DMRT1: variants seen among roughly 807,000 people sequenced by gnomAD.
DMRT1 encodes the protein doublesex- and mab-3-related transcription factor 1.
In DMRT1, 7 loss-of-function variants were observed where a neutral mutation model predicts 32.3. The ratio of observed to expected loss-of-function variants is 0.22; its 90% CI spans 0.12 to 0.41. The LOEUF (loss-of-function observed/expected upper bound fraction) is 0.41. Ranked by LOEUF, DMRT1 falls within the 10% of genes least tolerant of loss-of-function variation. DMRT1 has a pLI of 1.00. For missense variants in DMRT1, 625 were observed against 500.5 expected, an observed-to-expected ratio of 1.25 and a Z score of -2.37; for synonymous variants, 278 against 206.1, an observed-to-expected ratio of 1.35 and a Z score of -2.99.
chr9:934,983 A>G (rs916413705), intron 4 of DMRT1, among the ~76,000 whole-genome samples: 4 of 152,206 alleles, frequency 2.6e-5, no homozygotes, highest in South Asian at 2.1e-4. Flanking sequence ...TGTCTCAACT[A>G]TATCTTTCCT....
intron 3 of DMRT1, among the ~76,000 whole-genome samples, chr9:899,725 C>G (rs371878490): frequency 2.6e-5 from 4 of 152,262 alleles, no homozygotes; most frequent in Non-Finnish European, 5.9e-5. Flanking sequence ...AACATTATCT[C>G]TTAAATAAAC....
At chr9:849,348 T>C (rs549629889) in intron 2 of DMRT1, among the ~76,000 whole-genome samples, 11 of 152,138 alleles carry the variant, frequency 7.2e-5, no homozygotes, top group Non-Finnish European at 1.3e-4. Flanking sequence ...TTAGCAACAA[T>C]GTTAGGTGAA....
chr9:868,632 T>C (rs1267153553), intron 2 of DMRT1, among the ~76,000 whole-genome samples: 9 of 152,228 alleles, frequency 5.9e-5, no homozygotes, highest in Admixed American at 5.9e-4. Flanking sequence ...CTTACAAGGT[T>C]ATCGTAGGTA....
At chr9:864,195 TTC>T (rs1815856303) in intron 2 of DMRT1, among the ~76,000 whole-genome samples, 3 of 124,406 alleles carry the variant, frequency 2.4e-5, no homozygotes, top group Non-Finnish European at 4.9e-5. Context: ...TTTTAACTTC[TTC>T]TTCTTCTTTT....
At chr9:961,950 C>A (rs1819787445) in intron 4 of DMRT1, among the ~76,000 whole-genome samples, 1 of 152,094 alleles carries the variant, frequency 6.6e-6, no homozygotes, top group African/African-American at 2.4e-5. Flanking sequence ...GTCCCAGGTA[C>A]CAGAGGAGTT....
At chr9:916,306 G>A (rs768109359) in intron 3 of DMRT1, among the ~76,000 whole-genome samples, 1 of 152,104 alleles carries the variant, frequency 6.6e-6, no homozygotes, top group Non-Finnish European at 1.5e-5. Context: ...TCTAGGCCCA[G>A]TACATTGGAA....
At chr9:918,704 G>A (rs1022149315) in intron 4 of DMRT1, among the ~76,000 whole-genome samples, 1 of 132,834 alleles carries the variant, frequency 7.5e-6, no homozygotes, top group Non-Finnish European at 1.6e-5. Context: ...GGAGGCCCAA[G>A]CTTCAGAAAC....
Position 945,355 on chromosome 9 carries a change from C to G in DMRT1, c.968-22630C>G, listed in dbSNP as rs560927243. ...ATTTTTAGTAGAGACAGGGTTTCAC[C>G]ATGGTGGCCAGGCCGGTCTTGAACT... On this transcript the variant is annotated intron_variant, in intron 4 of 4. Transcript: ENST00000382276. 2.0e-5 allele frequency among the ~76,000 whole-genome samples: 3 copies of G among 152,250 alleles called. No homozygotes were observed. The South Asian group carries it at 6.2e-4, about 32-fold the overall frequency.
At chr9:843,504 A>G (rs1299877731) in intron 1 of DMRT1, among the ~76,000 whole-genome samples, 1 of 152,202 alleles carries the variant, frequency 6.6e-6, no homozygotes, top group Non-Finnish European at 1.5e-5. Flanking sequence ...AGGTGGAAAA[A>G]AGCGCGCCAG....
intron 3 of DMRT1, among the ~76,000 whole-genome samples, chr9:900,581 G>A (rs770276411): frequency 2.0e-4 from 31 of 151,854 alleles, no homozygotes; most frequent in Non-Finnish European, 4.1e-4. Context: ...CTGGCTCTCA[G>A]GAGACAGTTA....
intron 1 of DMRT1, among the ~76,000 whole-genome samples, chr9:844,695 G>A (rs1355789435): frequency 1.3e-5 from 2 of 148,550 alleles, no homozygotes; most frequent in African/African-American, 2.5e-5. Flanking sequence ...CATATAAATT[G>A]TAGTTGTTTT....
At chr9:867,637 G>A (rs767683682) in intron 2 of DMRT1, among the ~76,000 whole-genome samples, 5 of 152,180 alleles carry the variant, frequency 3.3e-5, no homozygotes, top group African/African-American at 4.8e-5. Context: ...TGTATTAAGT[G>A]GTGGAGGTGG....
chr9:955,628 C>A (rs1819577213), intron 4 of DMRT1, among the ~76,000 whole-genome samples: 1 of 152,136 alleles, frequency 6.6e-6, no homozygotes, highest in African/African-American at 2.4e-5. Flanking sequence ...ATCACCTGAG[C>A]CCATGAAATT....
intron 2 of DMRT1, among the ~76,000 whole-genome samples, chr9:880,445 G>GT (rs1816685527): frequency 6.6e-6 from 1 of 151,714 alleles, no homozygotes; most frequent in African/African-American, 2.4e-5. Context: ...GGGTAGCTTG[G>GT]GCTGGGCGTG....
intron 3 of DMRT1, among the ~76,000 whole-genome samples, 154 bp from the exon 4 acceptor site, chr9:916,609 C>T (rs551800039): frequency 4.1e-4 from 62 of 152,318 alleles, no homozygotes; most frequent in African/African-American, 1.4e-3. Context: ...TGGGCTCAAG[C>T]GATCCTCCCG....
chr9:883,675 CCAGATACTTGGGAGG>C (rs1252491635), intron 2 of DMRT1, among the ~76,000 whole-genome samples: 1 of 151,260 alleles, frequency 6.6e-6, no homozygotes, highest in East Asian at 1.9e-4. Context: ...CCCTGTAGTC[CCAGATACTTGGGAGG>C]CAGAGACAGG....
intron 4 of DMRT1, among the ~76,000 whole-genome samples, chr9:926,218 G>A (rs1349538924): frequency 2.0e-5 from 3 of 152,122 alleles, no homozygotes; most frequent in Non-Finnish European, 4.4e-5. Context: ...TAAACTTTAA[G>A]ATACCTTTAT....
intron 3 of DMRT1, among the ~76,000 whole-genome samples, chr9:907,386 A>G (rs1817814088): frequency 6.6e-6 from 1 of 152,152 alleles, no homozygotes; most frequent in Admixed American, 6.6e-5. Flanking sequence ...CCAACCCAGG[A>G]ACTGGAAAAT....
chr9:894,363 T>A (rs1817272387), intron 3 of DMRT1, 168 bp downstream of exon 3: 1 of 723,384 alleles, frequency 1.4e-6, no homozygotes, highest in East Asian at 2.6e-5. Flanking sequence ...TTTGCACACA[T>A]GTAGGCACAA....
Sources: allele counts gnomAD v4.1 joint callset (sites outside exome capture counted in the v4.1 genomes callset), GRCh38; gene constraint gnomAD v4.1.1; transcripts MANE v1.5; gene names NCBI Gene and HGNC (gene_info 2026-07-23, HGNC 2026-07-21).